Variants in LARGE1 observed in about 807,000 individuals in gnomAD.
LARGE1 encodes LARGE xylosyl- and glucuronyltransferase 1.
Under a neutral mutation model 87.6 loss-of-function variants are expected in LARGE1, and 43 were observed. That is an observed-to-expected ratio of 0.49 (90% CI 0.38 to 0.63). LARGE1 has a LOEUF of 0.63. Among genes scored for constraint, LARGE1 ranks in the 30% least tolerant of loss-of-function variants. LARGE1 has a pLI of 0.00. For missense variants in LARGE1, 802 were observed against 1,000.2 expected (o/e 0.80, Z 2.67); for synonymous variants, 434 against 394.6 (o/e 1.10, Z -1.18).
intron 6 of LARGE1, among the ~76,000 whole-genome samples, chr22:33,526,776 T>C (rs1049824342): frequency 3.0e-4 from 45 of 152,268 alleles, no homozygotes; most frequent in Non-Finnish European, 2.9e-5. Context: ...CCTTCTGTTC[T>C]CTTTGTACAC....
chr22:33,657,801 C>A (rs1414211799), intron 2 of LARGE1, among the ~76,000 whole-genome samples: 1 of 152,166 alleles, frequency 6.6e-6, no homozygotes, highest in African/African-American at 2.4e-5. Flanking sequence ...ACTTCAAGGT[C>A]ATCCATCAAA....
intron 2 of LARGE1, among the ~76,000 whole-genome samples, chr22:33,674,070 A>G (rs947511104): frequency 6.6e-5 from 10 of 152,142 alleles, no homozygotes; most frequent in Admixed American, 2.0e-4. Flanking sequence ...CAGCCTCCCA[A>G]AGTGCTGGGA....
chr22:33,782,871 A>G (rs2145909363), intron 1 of LARGE1, among the ~76,000 whole-genome samples: 1 of 123,004 alleles, frequency 8.1e-6, no homozygotes, highest in African/African-American at 3.3e-5. Flanking sequence ...CTCCAAAAAA[A>G]CAAAATCAAG....
Position 33,332,436 on chromosome 22 carries a change from T to G in LARGE1, c.1287+5210A>C, listed in dbSNP as rs1437260013. Among the ~76,000 whole-genome samples, 23 of 152,186 alleles carry G rather than the reference T, an allele frequency of 1.5e-4. 1 individual carries two copies. The highest frequency in any genetic ancestry group is 4.8e-5 in the African/African-American group (2 of 41,442). On this transcript the variant is annotated intron_variant, in intron 10 of 14. Coordinates refer to ENST00000397394, the MANE Select transcript of LARGE1 (RefSeq NM_133642.5). ...AATTAAACCTCTTTCCTTTATAAAT[T>G]ACCCAGTCTCAGGTATGTCTTTATC...
chr22:33,338,466 C>G (rs908981733), intron 9 of LARGE1, among the ~76,000 whole-genome samples: 1 of 152,276 alleles, frequency 6.6e-6, no homozygotes, highest in South Asian at 2.1e-4. Context: ...TCATTCCTAC[C>G]TCCTCCTCCT....
rs763579883 is a variant in LARGE1, at chr22:33,282,735, G to C, written c.1877+467C>G. Among the ~76,000 whole-genome samples the C allele has an allele frequency of 2.2e-4, 34 of 152,190 alleles. 1 individual carries two copies. Among genetic ancestry groups the C allele is most frequent in the Non-Finnish European group, 2.5e-4 (17 of 68,030 alleles). Reference sequence around the variant, plus strand: ...GACACAACGGCTACACGTCCCCCAGGCCTCAGGGGCTCAAAGAACAGACCA... The same window carrying C: ...GACACAACGGCTACACGTCCCCCAGCCCTCAGGGGCTCAAAGAACAGACCA... On this transcript the variant is annotated intron_variant, in intron 13 of 14. Transcript: ENST00000397394.
chr22:33,369,400 T>C (rs1203386494), intron 9 of LARGE1, among the ~76,000 whole-genome samples: 1 of 152,172 alleles, frequency 6.6e-6, no homozygotes, highest in African/African-American at 2.4e-5. Flanking sequence ...TGTTTTTGGA[T>C]CAACAGCCAC....
chr22:33,089,933 T>C, the LARGE1 span, among the ~76,000 whole-genome samples: 12 of 151,962 alleles, frequency 7.9e-5, no homozygotes, highest in African/African-American at 2.7e-4. Flanking sequence ...TGTCTGATAC[T>C]GTTTATGTGC....
At chr22:33,689,549 G>A (rs1301938373) in intron 2 of LARGE1, among the ~76,000 whole-genome samples, 1 of 152,150 alleles carries the variant, frequency 6.6e-6, no homozygotes. Context: ...GGAATATATT[G>A]AGGAGTCCAA....
At chr22:33,821,888 GA>G (rs11328059) in intron 1 of LARGE1, among the ~76,000 whole-genome samples, 7,564 of 150,680 alleles carry the variant, frequency 0.05, 269 homozygotes, top group South Asian at 0.21. Context: ...TCATGTGAAG[GA>G]AATGGAAAAC....
chr22:33,593,366 C>G (rs1028808908), intron 5 of LARGE1, among the ~76,000 whole-genome samples: 1 of 151,932 alleles, frequency 6.6e-6, no homozygotes, highest in South Asian at 2.1e-4. Flanking sequence ...TTTCTGAGTT[C>G]CTGCAAAGCC....
chr22:33,766,913 C>CATATATATATAT (rs34406131), intron 1 of LARGE1, among the ~76,000 whole-genome samples: 38 of 111,802 alleles, frequency 3.4e-4, no homozygotes, highest in South Asian at 5.8e-4. Flanking sequence ...TAAACATATA[C>CATATATATATAT]ATATATATAT....
At chr22:33,691,647 G>T (rs1165943099) in intron 2 of LARGE1, among the ~76,000 whole-genome samples, 1 of 152,176 alleles carries the variant, frequency 6.6e-6, no homozygotes, top group Admixed American at 6.5e-5. Flanking sequence ...ATTAATCTAA[G>T]ATTCCCAGCA....
chr22:33,591,121 AAC>A (rs2078827346), intron 5 of LARGE1, among the ~76,000 whole-genome samples: 1 of 152,222 alleles, frequency 6.6e-6, no homozygotes, highest in South Asian at 2.1e-4. Flanking sequence ...GAATCGCTTG[AAC>A]CCGCGAGGCG....
intron 1 of LARGE1, among the ~76,000 whole-genome samples, chr22:33,814,324 G>T (rs2086586647): frequency 6.6e-6 from 1 of 151,972 alleles, no homozygotes; most frequent in Non-Finnish European, 1.5e-5. Flanking sequence ...TCCCCAATAG[G>T]GCCCAACAGG....
At chr22:33,298,822 C>A (rs1933725941) in intron 12 of LARGE1, among the ~76,000 whole-genome samples, 1 of 149,634 alleles carries the variant, frequency 6.7e-6, no homozygotes, top group African/African-American at 2.5e-5. Context: ...CAGAGCAAGA[C>A]CCTGTGTCTA....
At chr22:33,512,842 TAGG>T (rs1474098081) in intron 6 of LARGE1, among the ~76,000 whole-genome samples, 14 of 152,308 alleles carry the variant, frequency 9.2e-5, no homozygotes, top group Middle Eastern at 3.4e-3. Context: ...CTTCAGGTAG[TAGG>T]AGATGTATGA....
intron 1 of LARGE1, among the ~76,000 whole-genome samples, chr22:33,911,511 ATCC>A (rs1425526396): frequency 6.6e-6 from 1 of 151,548 alleles, no homozygotes; most frequent in Non-Finnish European, 1.5e-5. Flanking sequence ...CGTCCACTTC[ATCC>A]TCCTGACATG....
chr22:33,864,650 G>A (rs1287577515), intron 1 of LARGE1, among the ~76,000 whole-genome samples: 1 of 152,174 alleles, frequency 6.6e-6, no homozygotes. Context: ...ACTGATGGAT[G>A]GATGAATGGA....
Sources: allele counts gnomAD v4.1 joint callset (sites outside exome capture counted in the v4.1 genomes callset), GRCh38; gene constraint gnomAD v4.1.1; transcripts MANE v1.5; gene names NCBI Gene and HGNC (gene_info 2026-07-23, HGNC 2026-07-21).